WDR64: variants seen among roughly 807,000 people sequenced by gnomAD.
WDR64 encodes the protein WD repeat domain 64.
WDR64 carries 112 observed loss-of-function variants against 139.3 expected under a neutral mutation model. That is an observed-to-expected ratio of 0.80 (90% CI 0.69 to 0.94). The LOEUF (loss-of-function observed/expected upper bound fraction) is 0.94, where lower values mean the gene tolerates loss of function less well. Ranked by LOEUF, WDR64 falls within the 40% of genes least tolerant of loss-of-function variation. The pLI, the probability that WDR64 is intolerant of heterozygous loss-of-function variation, is 0.00. For missense variants in WDR64, 1,206 were observed against 1,293.1 expected (o/e 0.93, Z 1.03); for synonymous variants, 444 against 437.7 (o/e 1.01, Z -0.18).
chr1:241,675,651 C>T (rs1041893872), intron 4 of WDR64, among the ~76,000 whole-genome samples: 4 of 152,208 alleles, frequency 2.6e-5, no homozygotes, highest in African/African-American at 9.6e-5. Flanking sequence ...CAAATTCTCG[C>T]CCTACTGTTT....
intron 8 of WDR64, among the ~76,000 whole-genome samples, chr1:241,694,530 T>C (rs1667414587): frequency 1.3e-5 from 2 of 152,202 alleles, no homozygotes; most frequent in Admixed American, 1.3e-4. Context: ...TTTAAAGGAG[T>C]GCATTTCTGA....
chr1:241,796,117 T>G (rs1038237597), intron 26 of WDR64, 140 bp from the exon 27 acceptor site: 2 of 460,564 alleles, frequency 4.3e-6, no homozygotes, highest in Admixed American at 7.8e-5. Context: ...AAATAAAGAT[T>G]TAATGCTGAG....
chr1:241,668,392 T>C (rs533532594), intron 2 of WDR64, among the ~76,000 whole-genome samples: 10 of 151,832 alleles, frequency 6.6e-5, no homozygotes, highest in African/African-American at 2.4e-4. Flanking sequence ...TGTGGAAATA[T>C]ATGATTGAGG....
chr1:241,707,844 A>G (rs1447725103), intron 8 of WDR64, among the ~76,000 whole-genome samples: 2 of 152,236 alleles, frequency 1.3e-5, no homozygotes, highest in Non-Finnish European at 2.9e-5. Context: ...TCATAAGTGG[A>G]GACACTGTAG....
At chr1:241,764,087 T>C (rs769299526) in intron 15 of WDR64, among the ~76,000 whole-genome samples, 6 of 152,146 alleles carry the variant, frequency 3.9e-5, no homozygotes, top group Admixed American at 6.6e-5. Context: ...GAAGGATAAC[T>C]ACAAGTATCT....
At chr1:241,774,163 A>T (rs892729409) in intron 20 of WDR64, among the ~76,000 whole-genome samples, 1 of 152,210 alleles carries the variant, frequency 6.6e-6, no homozygotes, top group Non-Finnish European at 1.5e-5. Context: ...GCTTGTGATA[A>T]GGCTCCTTCC....
intron 9 of WDR64, among the ~76,000 whole-genome samples, chr1:241,718,917 C>T (rs1172162892): frequency 1.3e-5 from 2 of 152,102 alleles, no homozygotes; most frequent in Admixed American, 6.6e-5. Context: ...GAGGGCCCGC[C>T]TTCATTACCT....
At chr1:241,766,847 A>G (rs182307761) in intron 16 of WDR64, among the ~76,000 whole-genome samples, 270 of 152,346 alleles carry the variant, frequency 1.8e-3, no homozygotes, top group African/African-American at 6.0e-3. Context: ...AAGTAAGGTG[A>G]ACTGTAAGCA....
intron 24 of WDR64, among the ~76,000 whole-genome samples, chr1:241,789,890 T>TA (rs148644236): frequency 1.3e-5 from 2 of 151,848 alleles, no homozygotes; most frequent in African/African-American, 4.8e-5. Flanking sequence ...AAATAAAAGT[T>TA]AAAAAAAATA....
At chr1:241,665,979 G>A (rs1462274917) in intron 2 of WDR64, among the ~76,000 whole-genome samples, 2 of 152,074 alleles carry the variant, frequency 1.3e-5, no homozygotes, top group Non-Finnish European at 2.9e-5. Flanking sequence ...TAAAAAATAA[G>A]CTGCATGCAG....
At chr1:241,742,253 C>G (rs1275189230) in intron 12 of WDR64, among the ~76,000 whole-genome samples, 1 of 152,206 alleles carries the variant, frequency 6.6e-6, no homozygotes, top group Non-Finnish European at 1.5e-5. Context: ...TGCTGCATTT[C>G]CTCCAGCCCA....
chr1:241,784,508 A>AT lies in WDR64; in HGVS notation c.2705+1128dup, dbSNP rs1414047135. Among the ~76,000 whole-genome samples the AT allele has an allele frequency of 2.0e-5, 3 of 152,232 alleles. 1 individual carries two copies. In the East Asian group the frequency reaches 5.8e-4, roughly 29 times the overall value. On this transcript the variant is annotated intron_variant, in intron 23 of 27. Transcript: ENST00000437684. ...ACACCTGGTTTATGCAACTAGGTGA[A>AT]TGTTAGAACCACTCATTAAGATACA...
intron 3 of WDR64, among the ~76,000 whole-genome samples, chr1:241,672,332 C>G (rs991715868): frequency 6.6e-6 from 1 of 152,134 alleles, no homozygotes; most frequent in Admixed American, 6.5e-5. Context: ...CACACACACA[C>G]AGACACAAAA....
At chr1:241,739,100 G>A (rs865802318) in intron 11 of WDR64, among the ~76,000 whole-genome samples, 17 of 152,284 alleles carry the variant, frequency 1.1e-4, no homozygotes, top group Non-Finnish European at 1.0e-4. Context: ...TTTGCCTCTC[G>A]ACGAAGACCA....
chr1:241,715,936 T>C (rs1668385201), intron 9 of WDR64, among the ~76,000 whole-genome samples: 1 of 152,184 alleles, frequency 6.6e-6, no homozygotes. Context: ...CATCTACAGC[T>C]TGAAAACGTG....
At chr1:241,690,198 C>T (rs768318563) in intron 8 of WDR64, among the ~76,000 whole-genome samples, 5 of 152,078 alleles carry the variant, frequency 3.3e-5, no homozygotes, top group East Asian at 1.9e-4. Flanking sequence ...ACTGGCTGGG[C>T]GCAGTGGCTC....
At chr1:241,783,490 A>T in intron 23 of WDR64, 109 bp downstream of exon 23, 1 of 751,678 alleles carries the variant, frequency 1.3e-6, no homozygotes, top group Non-Finnish European at 2.1e-6. Context: ...TGGTAAACTG[A>T]TTTAAATAAA....
chr1:241,718,018 G>A (rs1201258514), intron 9 of WDR64, among the ~76,000 whole-genome samples: 2 of 152,180 alleles, frequency 1.3e-5, no homozygotes, highest in African/African-American at 4.8e-5. Context: ...CAGATGCAGA[G>A]AGGCAAAGCA....
At position 241,674,256 on chromosome 1, in the gene WDR64, C is replaced by CTTTTTTTTTTTTT. The variant is rs544401027; in HGVS notation, c.380-384_380-383insTTTTTTTTTTTTT. ...AAGCTGGCTGTTTATCTTTTTTTTT[C>CTTTTTTTTTTTTT]TTTTCTTTTTTTTTTTTTTTGAGAC... On this transcript the variant is annotated intron_variant, in intron 3 of 27. Transcript: ENST00000437684. Among the ~76,000 whole-genome samples, 189 of 121,302 alleles carry CTTTTTTTTTTTTT rather than the reference C, an allele frequency of 1.6e-3. 6 individuals carry two copies. Among genetic ancestry groups the CTTTTTTTTTTTTT allele is most frequent in the Non-Finnish European group, 2.1e-3 (122 of 58,884 alleles). 79.6% of individuals were successfully genotyped at this position (121,302 alleles called of 152,430 possible). A position where few individuals can be genotyped will look rare whatever the true frequency, so the allele number is the denominator to read the frequency against.
Sources: gnomAD v4.1 joint callset for allele counts (sites outside exome capture counted in the v4.1 genomes callset) on GRCh38, gnomAD v4.1.1 for gene constraint, MANE v1.5 for transcripts, NCBI Gene and HGNC (gene_info 2026-07-23, HGNC 2026-07-21) for gene names.